The following ZFAND6 variants were observed in gnomAD, a reference collection of about 807,000 sequenced individuals.
The protein encoded by ZFAND6 is AN1-type zinc finger protein 6.
In ZFAND6, 12 loss-of-function variants were observed where a neutral mutation model predicts 24.5. The ratio of observed to expected loss-of-function variants is 0.49; its 90% CI spans 0.31 to 0.79. ZFAND6 has a LOEUF of 0.79. ZFAND6 is among the 30% of genes least tolerant of loss of function. ZFAND6 has a pLI of 0.04. For missense variants in ZFAND6, 207 were observed against 245.9 expected, an observed-to-expected ratio of 0.84 and a Z score of 1.06; for synonymous variants, 92 against 81.5, an observed-to-expected ratio of 1.13 and a Z score of -0.69.
At chr15:80,123,016 C>CA in intron 5 of ZFAND6, 1 of 449,288 alleles carries the variant, frequency 2.2e-6, no homozygotes, top group Non-Finnish European at 4.0e-6. Flanking sequence ...GTTGCAAATT[C>CA]AAAATTTGTT....
At chr15:80,111,258 C>G (rs1021974767) in intron 2 of ZFAND6, among the ~76,000 whole-genome samples, 45 of 152,214 alleles carry the variant, frequency 3.0e-4, no homozygotes, top group African/African-American at 1.0e-3. Context: ...TAATCCTTTC[C>G]CTTCATTGGG....
chr15:80,122,945 TTTAA>T (rs2040212120), intron 5 of ZFAND6, 145 bp downstream of exon 5: 2 of 507,966 alleles, frequency 3.9e-6, no homozygotes, highest in Non-Finnish European at 6.8e-6. Flanking sequence ...TCTTTAAGTA[TTTAA>T]TTAACATGTT....
intron 1 of ZFAND6, among the ~76,000 whole-genome samples, chr15:80,080,694 G>C (rs942136941): frequency 2.6e-5 from 4 of 152,154 alleles, no homozygotes; most frequent in African/African-American, 9.7e-5. Flanking sequence ...ATTGGCTCAT[G>C]GTTCTTCAGG....
At chr15:80,128,958 A>G (rs1359617693) in intron 5 of ZFAND6, among the ~76,000 whole-genome samples, 1 of 152,378 alleles carries the variant, frequency 6.6e-6, no homozygotes, top group African/African-American at 2.4e-5. Flanking sequence ...GTTAAAAACT[A>G]TAATCTTGTG....
intron 2 of ZFAND6, among the ~76,000 whole-genome samples, chr15:80,105,456 G>A (rs2039271648): frequency 6.6e-6 from 1 of 152,106 alleles, no homozygotes; most frequent in African/African-American, 2.4e-5. Context: ...ATAGTGGACA[G>A]TTTGAACCTC....
At chr15:80,127,402 A>G (rs2040412045) in intron 5 of ZFAND6, among the ~76,000 whole-genome samples, 1 of 151,998 alleles carries the variant, frequency 6.6e-6, no homozygotes, top group Non-Finnish European at 1.5e-5. Context: ...AGCTTGGCCA[A>G]CATGGTGAAA....
intron 5 of ZFAND6, chr15:80,130,961 C>T: frequency 2.4e-6 from 1 of 412,170 alleles, no homozygotes; most frequent in Middle Eastern, 6.3e-4. Flanking sequence ...CCACTGTTAA[C>T]ATATCATTAC....
At chr15:80,124,410 G>A (rs1388709129) in intron 5 of ZFAND6, among the ~76,000 whole-genome samples, 1 of 151,658 alleles carries the variant, frequency 6.6e-6, no homozygotes, top group Non-Finnish European at 1.5e-5. Context: ...TCCAGCCTGG[G>A]CAACAGAGCG....
chr15:80,131,818 A>G (rs1472746747), intron 6 of ZFAND6, among the ~76,000 whole-genome samples: 1 of 152,244 alleles, frequency 6.6e-6, no homozygotes, highest in East Asian at 1.9e-4. Flanking sequence ...AAGAAAGTAC[A>G]TGAAGTGCAG....
chr15:80,134,242 A>C (rs1252992933), intron 6 of ZFAND6, among the ~76,000 whole-genome samples: 1 of 152,134 alleles, frequency 6.6e-6, no homozygotes, highest in Admixed American at 6.5e-5. Flanking sequence ...CGTCCACCTC[A>C]GCCTCCCAAA....
At chr15:80,068,062 A>C (rs1229468130) in intron 1 of ZFAND6, among the ~76,000 whole-genome samples, 1 of 150,988 alleles carries the variant, frequency 6.6e-6, no homozygotes. Context: ...CCTGGGTTCA[A>C]GTGATTCTCC....
At chr15:80,074,711 T>C (rs1174162779) in intron 1 of ZFAND6, among the ~76,000 whole-genome samples, 1 of 151,962 alleles carries the variant, frequency 6.6e-6, no homozygotes, top group Non-Finnish European at 1.5e-5. Context: ...GTGCTAGACA[T>C]ATGTTGTTTC....
chr15:80,071,391 G>T (rs1260431986), intron 1 of ZFAND6, among the ~76,000 whole-genome samples: 4 of 152,094 alleles, frequency 2.6e-5, no homozygotes, highest in African/African-American at 9.7e-5. Context: ...CAGGATTTTT[G>T]GTAGAGGTAA....
intron 6 of ZFAND6, among the ~76,000 whole-genome samples, chr15:80,136,445 CAA>C (rs2040869079): frequency 6.6e-6 from 1 of 150,654 alleles, no homozygotes; most frequent in South Asian, 2.1e-4. Context: ...AGCCTGGTGA[CAA>C]AGTGAGACTC....
chr15:80,103,496 T>TA (rs2141953033), intron 2 of ZFAND6, among the ~76,000 whole-genome samples: 1 of 152,320 alleles, frequency 6.6e-6, no homozygotes, highest in Admixed American at 6.5e-5. Context: ...GCGGCCTAGA[T>TA]ATGCTCTGAA....
chr15:80,094,635 A>G (rs1474329661), intron 1 of ZFAND6, among the ~76,000 whole-genome samples: 1 of 152,122 alleles, frequency 6.6e-6, no homozygotes, highest in African/African-American at 2.4e-5. Context: ...TGCTTACATC[A>G]TGTTCCTTCA....
chr15:80,065,628 C>G (rs2036591577), intron 1 of ZFAND6, among the ~76,000 whole-genome samples: 1 of 144,188 alleles, frequency 6.9e-6, no homozygotes, highest in South Asian at 2.2e-4. Context: ...TCACTGCAGC[C>G]TTTGTCTCCA....
At chr15:80,076,718 T>C (rs1256739953) in intron 1 of ZFAND6, among the ~76,000 whole-genome samples, 1 of 148,544 alleles carries the variant, frequency 6.7e-6, no homozygotes, top group Non-Finnish European at 1.5e-5. Context: ...AAAACTGAGG[T>C]TTGTCAGACT....
chr15:80,059,423 G>A (rs1355152544), upstream of ZFAND6: 2 of 152,252 alleles, frequency 1.3e-5, no homozygotes, highest in African/African-American at 2.4e-5. Flanking sequence ...GTGGAGCAAG[G>A]GACACTGGAG....
Sources: gnomAD v4.1 joint callset for allele counts (sites outside exome capture counted in the v4.1 genomes callset) on GRCh38, gnomAD v4.1.1 for gene constraint, MANE v1.5 for transcripts, NCBI Gene and HGNC (gene_info 2026-07-23, HGNC 2026-07-21) for gene names.